Variants in CYB5R3 observed in about 807,000 individuals in gnomAD.
The protein encoded by CYB5R3 is cytochrome b5 reductase 3, also known as NADH-cytochrome b5 reductase 3.
Under a neutral mutation model 36.5 loss-of-function variants are expected in CYB5R3, and 28 were observed. That is an observed-to-expected ratio of 0.77 (90% CI 0.57 to 1.05). CYB5R3 has a LOEUF of 1.05. CYB5R3 is among the 50% of genes least tolerant of loss of function. The pLI is 0.00. For synonymous variants in CYB5R3, 181 were observed against 159.8 expected (o/e 1.13, Z -1.00); for missense variants, 474 against 408.9 (o/e 1.16, Z -1.37).
At chr22:42,645,457 A>G (rs1929493795) in intron 1 of CYB5R3, among the ~76,000 whole-genome samples, 1 of 152,162 alleles carries the variant, frequency 6.6e-6, no homozygotes, top group African/African-American at 2.4e-5. Flanking sequence ...AGGTGGGCTT[A>G]GGATCCGGCT....
intron 1 of CYB5R3, chr22:42,644,331 C>T (rs998989602): frequency 2.3e-5 from 16 of 700,798 alleles, no homozygotes; most frequent in Non-Finnish European, 3.7e-5. Flanking sequence ...AAATACCCAC[C>T]ATAGCTCCCC....
chr22:42,646,804 C>T (rs981333717), intron 1 of CYB5R3: 4 of 986,098 alleles, frequency 4.1e-6, no homozygotes, highest in East Asian at 1.1e-4. Flanking sequence ...GGAGAAGGAA[C>T]AGGTGGACAC....
Position 42,619,788 on chromosome 22 carries a change from G to T in CYB5R3, c.891C>A (p.Arg297=). The T allele has an allele frequency of 6.3e-7, 1 of 1,587,530 alleles. No individual in the cohort carries two copies. Among genetic ancestry groups the T allele is most frequent in the Non-Finnish European group, 8.5e-7 (1 of 1,169,680 alleles). The change falls in exon 9 of 9, where the codon CGC becomes CGA. Residue 297 remains arginine, a synonymous_variant. Coordinates refer to ENST00000352397, the MANE Select transcript of CYB5R3 (RefSeq NM_000398.7). The part of the protein sequence containing the change: ...NLDHVGHPTE[R]CFVF ...TGCCCGGCCCTCAGAAGACGAAGCA[G>T]CGCTCCGTGGGGTGGCCCACGTGGT...
intron 1 of CYB5R3, among the ~76,000 whole-genome samples, chr22:42,642,469 C>T (rs1297027000): frequency 1.3e-5 from 2 of 151,982 alleles, no homozygotes; most frequent in Non-Finnish European, 2.9e-5. Flanking sequence ...GATGGAGTCT[C>T]GCTCTGTTGC....
rs902204771 is a variant in CYB5R3 at position 42,619,038 on chromosome 22, A to G, written c.*735T>C. On this transcript the variant is annotated 3_prime_UTR_variant, in exon 9 of 9. Transcript: ENST00000352397. ...TACATGTGGTTGTGGGAGTTCTGCC[A>G]TCAGGGATGGTGGCCCCAGCCCAGG... 2.0e-5 allele frequency: 3 copies of G among 152,688 alleles called. No homozygotes were observed. Among genetic ancestry groups the G allele is most frequent in the Admixed American group, 6.5e-5 (1 of 15,298 alleles). 9.5% of individuals were successfully genotyped at this position (152,688 alleles called of 1,614,324 possible).
chr22:42,631,485 A>G, intron 2 of CYB5R3, 35 bp from the exon 3 acceptor site: 1 of 1,546,334 alleles, frequency 6.5e-7, no homozygotes, highest in Non-Finnish European at 8.8e-7. Context: ...AACGGTCCCC[A>G]GGGCAGAGGC....
chr22:42,623,946 C>T, intron 7 of CYB5R3, 58 bp from the exon 8 acceptor site: 7 of 1,476,134 alleles, frequency 4.7e-6, no homozygotes, highest in Non-Finnish European at 6.6e-6. Context: ...CCCCTGGAGA[C>T]ACTCAACAGA....
intron 1 of CYB5R3, among the ~76,000 whole-genome samples, chr22:42,642,739 G>C (rs965278698): frequency 6.6e-6 from 1 of 152,190 alleles, no homozygotes; most frequent in Non-Finnish European, 1.5e-5. Context: ...CGCCCGGCCA[G>C]TAATTTGAAA....
intron 4 of CYB5R3, 27 bp downstream of exon 4, chr22:42,630,855 T>C (rs761895748): frequency 7.6e-6 from 12 of 1,589,298 alleles, no homozygotes; most frequent in Non-Finnish European, 1.0e-5. Context: ...CCACACCCCC[T>C]CCACAGTCAT....
intron 2 of CYB5R3, chr22:42,633,444 G>A (rs1337656775): frequency 6.6e-6 from 1 of 152,272 alleles, no homozygotes; most frequent in African/African-American, 2.4e-5. Flanking sequence ...ATACCTTACA[G>A]AGTTTTTGCT....
rs1601933351 is a variant in CYB5R3, at chr22:42,627,390, C to G, written c.548-1G>C. On this transcript the variant is annotated splice_acceptor_variant, in intron 6 of 8. Coordinates refer to ENST00000352397, the MANE Select transcript of CYB5R3 (RefSeq NM_000398.7). LOFTEE classifies it high-confidence loss of function. ...ATCACCTGCAGCATCGGGGTGATGC[C>G]TGCAAAATAGCCGGCCGGGCCTCGC... 1.2e-6 allele frequency: 2 copies of G among 1,613,670 alleles called. No individual in the cohort carries two copies. The highest frequency in any genetic ancestry group is 1.7e-6 in the Non-Finnish European group (2 of 1,179,886).
chr22:42,621,931 G>A (rs1225353762), intron 8 of CYB5R3, among the ~76,000 whole-genome samples: 2 of 152,220 alleles, frequency 1.3e-5, no homozygotes, highest in African/African-American at 4.8e-5. Context: ...AGGATAAAAC[G>A]CTCTTTTCTT....
intron 7 of CYB5R3, 147 bp from the exon 8 acceptor site, chr22:42,624,035 C>T: frequency 1.4e-6 from 1 of 708,420 alleles, no homozygotes; most frequent in Non-Finnish European, 2.5e-6. Flanking sequence ...AGAGATCACC[C>T]TGGCACCCCT....
chr22:42,623,162 T>C (rs571982562), intron 8 of CYB5R3, among the ~76,000 whole-genome samples: 1 of 152,302 alleles, frequency 6.6e-6, no homozygotes, highest in African/African-American at 2.4e-5. Context: ...GAAATTGAGA[T>C]ATTACTTATA....
chr22:42,627,452 G>A (rs919890168), intron 6 of CYB5R3, 63 bp from the exon 7 acceptor site: 18 of 1,554,194 alleles, frequency 1.2e-5, no homozygotes, highest in East Asian at 4.5e-5. Flanking sequence ...GCACCGCCCC[G>A]CCCAGGTGTA....
Position 42,619,836 on chromosome 22 carries a change from C to T in CYB5R3, c.843G>A (p.Gln281=), listed in dbSNP as rs1430842637. The part of the protein sequence containing the change: ...VLMCGPPPMI[Q]YACLPNLDHV... ...GGTCCAGGTTGGGAAGGCAGGCGTA[C>T]TGGATCATGGGTGGGGGGCCACACA... Residue 281 remains glutamine, a synonymous_variant, in exon 9 of 9, where the codon CAG becomes CAA. Transcript: ENST00000352397. 1 of 1,604,374 alleles carries T rather than the reference C, an allele frequency of 6.2e-7. No homozygotes were observed. The highest frequency in any genetic ancestry group is 8.5e-7 in the Non-Finnish European group (1 of 1,176,674).
At chr22:42,635,102 T>A (rs1334770968) in intron 2 of CYB5R3, among the ~76,000 whole-genome samples, 1 of 152,126 alleles carries the variant, frequency 6.6e-6, no homozygotes, top group Non-Finnish European at 1.5e-5. Context: ...CGCCAGCGGC[T>A]GGGACTACAG....
chr22:42,620,694 G>C (rs932668976), intron 8 of CYB5R3, among the ~76,000 whole-genome samples: 16 of 152,192 alleles, frequency 1.1e-4, no homozygotes, highest in Non-Finnish European at 1.9e-4. Flanking sequence ...TCCACGCTGT[G>C]AAGGTCCTGA....
intron 8 of CYB5R3, 106 bp from the exon 9 acceptor site, chr22:42,620,051 G>A (rs1868751975): frequency 1.8e-5 from 20 of 1,135,024 alleles, no homozygotes; most frequent in Non-Finnish European, 2.6e-5. Context: ...AGAATGGAGA[G>A]GCTGATCCCA....
Sources: gnomAD v4.1 joint callset for allele counts (sites outside exome capture counted in the v4.1 genomes callset) on GRCh38, gnomAD v4.1.1 for gene constraint, MANE v1.5 for transcripts, NCBI Gene and HGNC (gene_info 2026-07-23, HGNC 2026-07-21) for gene names.